NUAK1: variants seen among roughly 807,000 people sequenced by gnomAD.
NUAK1 encodes NUAK family kinase 1.
Under a neutral mutation model 56.9 loss-of-function variants are expected in NUAK1, and 26 were observed. The ratio of observed to expected loss-of-function variants is 0.46; its 90% CI spans 0.33 to 0.63. The LOEUF (loss-of-function observed/expected upper bound fraction) is 0.63. NUAK1 is among the 30% of genes least tolerant of loss of function. The probability of loss-of-function intolerance (pLI) is 0.02; values close to 1 mark genes in which losing one functional copy is unlikely to be tolerated. For synonymous variants in NUAK1, 337 were observed against 336.0 expected (o/e 1.00, Z -0.03); for missense variants, 727 against 876.1 (o/e 0.83, Z 2.15).
chr12:106,093,974 AT>A (rs112037631), intron 2 of NUAK1, among the ~76,000 whole-genome samples: 32 of 148,616 alleles, frequency 2.2e-4, no homozygotes, highest in Admixed American at 4.7e-4. Context: ...AATCTTTGTA[AT>A]TTTTTTTTTT....
At chr12:106,098,361 G>T (rs991684711) in intron 2 of NUAK1, among the ~76,000 whole-genome samples, 1 of 152,182 alleles carries the variant, frequency 6.6e-6, no homozygotes, top group African/African-American at 2.4e-5. Context: ...AAGGCTCACA[G>T]GGTGGGGGCA....
At position 106,091,662 on chromosome 12, in the gene NUAK1, G is replaced by A. The variant is rs534664936; in HGVS notation, c.362-4777C>T. Among the ~76,000 whole-genome samples, 4 of 152,248 alleles carry A rather than the reference G, an allele frequency of 2.6e-5. No homozygotes were observed. In the South Asian group the frequency reaches 8.3e-4, roughly 32 times the overall value. ...GTCACACAGGCAACCAAACATCGCC[G>A]AGAACAATCCAAGAGACAGGAGCAA... On this transcript the variant is annotated intron_variant, in intron 2 of 6. Coordinates refer to ENST00000261402, the MANE Select transcript of NUAK1 (RefSeq NM_014840.3).
intron 1 of NUAK1, among the ~76,000 whole-genome samples, chr12:106,107,393 G>T (rs1276169428): frequency 6.6e-5 from 10 of 152,062 alleles, no homozygotes; most frequent in South Asian, 2.1e-4. Context: ...AATCAGATTG[G>T]CTCTAAGGGG....
At chr12:106,131,416 T>A (rs1455641328) in intron 1 of NUAK1, among the ~76,000 whole-genome samples, 2 of 152,192 alleles carry the variant, frequency 1.3e-5, no homozygotes, top group Non-Finnish European at 2.9e-5. Flanking sequence ...TTGTGGACAT[T>A]ACATACAAAT....
intron 5 of NUAK1, 55 bp from the exon 6 acceptor site, chr12:106,070,961 C>T (rs2136456301): frequency 5.0e-6 from 8 of 1,601,494 alleles, no homozygotes; most frequent in Non-Finnish European, 6.8e-6. Flanking sequence ...CCCAAGATGC[C>T]TTCCAAACCA....
At chr12:106,108,143 C>A (rs1310541896) in intron 1 of NUAK1, among the ~76,000 whole-genome samples, 1 of 151,894 alleles carries the variant, frequency 6.6e-6, no homozygotes, top group Non-Finnish European at 1.5e-5. Context: ...TTGATGCAAG[C>A]TCAGACCAGA....
intron 4 of NUAK1, among the ~76,000 whole-genome samples, chr12:106,082,766 C>T (rs1379794645): frequency 6.6e-6 from 1 of 152,168 alleles, no homozygotes; most frequent in Non-Finnish European, 1.5e-5. Context: ...ATGATCTGTA[C>T]AGAGAATCCC....
chr12:106,073,057 T>A (rs1276741414), intron 4 of NUAK1, among the ~76,000 whole-genome samples: 1 of 152,206 alleles, frequency 6.6e-6, no homozygotes, highest in Non-Finnish European at 1.5e-5. Context: ...TTGGCATCCA[T>A]CACAAGTTCT....
intron 4 of NUAK1, among the ~76,000 whole-genome samples, chr12:106,076,904 G>A (rs2032469902): frequency 6.6e-6 from 1 of 152,190 alleles, no homozygotes; most frequent in Non-Finnish European, 1.5e-5. Context: ...TGGGGAAGGT[G>A]AAAACATTCT....
At chr12:106,089,830 C>T (rs949986851) in intron 2 of NUAK1, among the ~76,000 whole-genome samples, 2 of 152,182 alleles carry the variant, frequency 1.3e-5, no homozygotes. Context: ...CCACCTGTCT[C>T]ACCTCCAAGG....
Position 106,075,611 on chromosome 12 carries a change from C to T in NUAK1, c.580-2768G>A, listed in dbSNP as rs186088354. On this transcript the variant is annotated intron_variant, in intron 4 of 6. Coordinates refer to ENST00000261402, the MANE Select transcript of NUAK1 (RefSeq NM_014840.3). ...TATATTTGCTTCCCAACTTTAAATC[C>T]AGGGAGTTAATTACCTTCGTTATAC... Among the ~76,000 whole-genome samples the T allele has an allele frequency of 9.7e-4, 148 of 152,296 alleles. 1 individual carries two copies. Among genetic ancestry groups the T allele is most frequent in the South Asian group, 5.4e-3 (26 of 4,824 alleles).
intron 2 of NUAK1, chr12:106,104,233 T>G (rs911418284): frequency 3.3e-5 from 5 of 152,104 alleles, no homozygotes; most frequent in Admixed American, 6.5e-5. Context: ...AACCAGGTAA[T>G]TTTTGTATTT....
intron 5 of NUAK1, among the ~76,000 whole-genome samples, 161 bp downstream of exon 5, chr12:106,072,563 G>GGA (rs2032416830): frequency 6.6e-6 from 1 of 152,138 alleles, no homozygotes; most frequent in Admixed American, 6.5e-5. Flanking sequence ...TTTCCTCCCA[G>GGA]GAGTATACAT....
At chr12:106,112,692 T>TAAA (rs2032874329) in intron 1 of NUAK1, among the ~76,000 whole-genome samples, 1 of 152,222 alleles carries the variant, frequency 6.6e-6, no homozygotes, top group African/African-American at 2.4e-5. Context: ...CCTTCCTCTT[T>TAAA]AGCCTGTTGG....
chr12:106,123,594 A>T (rs2032998800), intron 1 of NUAK1, among the ~76,000 whole-genome samples: 1 of 152,214 alleles, frequency 6.6e-6, no homozygotes, highest in Non-Finnish European at 1.5e-5. Context: ...GCTATATCAA[A>T]TGCCTCTCAC....
At chr12:106,070,009 T>C (rs541710367) in intron 6 of NUAK1, among the ~76,000 whole-genome samples, 1 of 152,278 alleles carries the variant, frequency 6.6e-6, no homozygotes, top group East Asian at 1.9e-4. Flanking sequence ...GACATGGCAC[T>C]GGCACTCCAG....
chr12:106,085,955 C>G (rs772526471), intron 3 of NUAK1, among the ~76,000 whole-genome samples: 27 of 152,250 alleles, frequency 1.8e-4, no homozygotes, highest in African/African-American at 4.6e-4. Flanking sequence ...AATCCTCCCC[C>G]CTCAGCCTCC....
At position 106,083,787 on chromosome 12, in the gene NUAK1, G is replaced by A. The variant is rs549642705; in HGVS notation, c.579+77C>T. 158 of 1,283,394 alleles carry A rather than the reference G, an allele frequency of 1.2e-4. No homozygotes were observed. In the African/African-American group the frequency reaches 1.8e-3, roughly 15 times the overall value. 79.5% of individuals were successfully genotyped at this position (1,283,394 alleles called of 1,614,324 possible). A position where few individuals can be genotyped will look rare whatever the true frequency, so the allele number is the denominator to read the frequency against. ...AGTGGCTGCCTTATTTCCAGGCTGC[G>A]GCTTGGAGCAGGTTAAGCCTCCATC... On this transcript the variant is annotated intron_variant, in intron 4 of 6. Transcript: ENST00000261402.
intron 2 of NUAK1, among the ~76,000 whole-genome samples, chr12:106,102,969 C>T (rs2032763711): frequency 6.6e-6 from 1 of 152,242 alleles, no homozygotes; most frequent in Non-Finnish European, 1.5e-5. Context: ...ACCTTCCTCA[C>T]ACTGCTATGC....
Sources: gnomAD v4.1 joint callset for allele counts (sites outside exome capture counted in the v4.1 genomes callset) on GRCh38, gnomAD v4.1.1 for gene constraint, MANE v1.5 for transcripts, NCBI Gene and HGNC (gene_info 2026-07-23, HGNC 2026-07-21) for gene names.